ARHGAP4: variants seen among roughly 807,000 people sequenced by gnomAD.
ARHGAP4 encodes Rho GTPase activating protein 4.
In ARHGAP4, 25 loss-of-function variants were observed where a neutral mutation model predicts 67.6. The ratio of observed to expected loss-of-function variants is 0.37; its 90% CI spans 0.27 to 0.52. ARHGAP4 has a LOEUF of 0.52. ARHGAP4 is among the 20% of genes least tolerant of loss of function. ARHGAP4 has a pLI of 0.92. For synonymous variants in ARHGAP4, 448 were observed against 373.7 expected, an observed-to-expected ratio of 1.20 and a Z score of -2.29; for missense variants, 804 against 854.6, an observed-to-expected ratio of 0.94 and a Z score of 0.74.
chrX:153,921,565 T>C, intron 2 of ARHGAP4, 38 bp from the exon 3 acceptor site: 1 of 1,203,487 alleles, frequency 8.3e-7, no homozygotes, highest in Non-Finnish European at 1.1e-6. Flanking sequence ...GGAGCGGAGC[T>C]TGGGCCCTGC....
Position 153,921,385 on chromosome X carries a change from C to T in ARHGAP4, c.415G>A (p.Val139Met), listed in dbSNP as rs782707429. The change falls in exon 3 of 22, where the codon GTG becomes ATG. Residue 139 changes from valine to methionine, a missense_variant. Physicochemically the swap from Val to Met is conservative, Grantham distance 21. Coordinates refer to ENST00000350060, the MANE Select transcript of ARHGAP4 (RefSeq NM_001666.5). Reference protein sequence around the residue: ...AQRLSHIAEDVGRLVKKSRDL... With the variant: ...AQRLSHIAEDMGRLVKKSRDL... Reference sequence around the variant, plus strand: ...CTCACCTTCTTGACCAGGCGCCCCACGTCCTCTGCAATGTGACTCAGGCGC... The same window carrying T: ...CTCACCTTCTTGACCAGGCGCCCCATGTCCTCTGCAATGTGACTCAGGCGC... The T allele has an allele frequency of 3.3e-6, 4 of 1,209,772 alleles. No individual in the cohort carries two copies. The highest frequency in any genetic ancestry group is 3.5e-5 in the African/African-American group (2 of 57,506).
chrX:153,917,389 G>A (rs1295759558), intron 7 of ARHGAP4, among the ~76,000 whole-genome samples: 2 of 110,674 alleles, frequency 1.8e-5, no homozygotes, highest in African/African-American at 3.3e-5. Context: ...CAGCCTGGGC[G>A]ACAAGGGGGA....
chrX:153,919,698 C>A, intron 5 of ARHGAP4: 1 of 1,147,152 alleles, frequency 8.7e-7, no homozygotes, highest in Non-Finnish European at 1.2e-6. Context: ...TGAGGGGGAA[C>A]GAGTACCCCA....
chrX:153,915,104 G>T (rs1463924861), intron 7 of ARHGAP4, among the ~76,000 whole-genome samples: 1 of 111,756 alleles, frequency 8.9e-6, no homozygotes, highest in Admixed American at 9.5e-5. Flanking sequence ...TTGAGGACAT[G>T]GGACTCAGTG....
intron 20 of ARHGAP4, 55 bp from the exon 21 acceptor site, chrX:153,909,224 G>C: frequency 9.3e-7 from 1 of 1,075,991 alleles, no homozygotes; most frequent in South Asian, 2.1e-5. Context: ...TGAGCTAGCT[G>C]GGCAGTGGCT....
In ARHGAP4 at chrX:153,909,064, T is replaced by G; in HGVS notation, c.2607+6A>C. On this transcript the variant is annotated splice_donor_region_variant and intron_variant, in intron 21 of 21. Coordinates refer to ENST00000350060, the MANE Select transcript of ARHGAP4 (RefSeq NM_001666.5). ...TGTCCCTCACCTGCCACACACCCACTCTCACCTTATCCACCTCCACGTGTT... is the reference window on the plus strand; with the variant it reads ...TGTCCCTCACCTGCCACACACCCACGCTCACCTTATCCACCTCCACGTGTT... The G allele has an allele frequency of 8.3e-7, 1 of 1,209,217 alleles. No homozygotes were observed. The highest frequency in any genetic ancestry group is 1.1e-6 in the Non-Finnish European group (1 of 893,583).
rs781785621 is a variant in ARHGAP4, at chrX:153,920,629, C to T, written c.678G>A (p.Glu226=). The T allele has an allele frequency of 8.3e-7, 1 of 1,200,787 alleles. No homozygotes were observed. ...SSLKKGGRLV[E]KRQAKFMEHK... The stretch of plus-strand genomic sequence containing the variant: ...CTGAGGTGCCCTCCAGGCCCACCTT[C>T]TCCACCAGCCTCCCTCCCTTCTTGA... The change falls in exon 5 of 22, where the codon GAG becomes GAA. Residue 226 remains glutamate (E), a synonymous_variant. Coordinates refer to ENST00000350060, the MANE Select transcript of ARHGAP4 (RefSeq NM_001666.5).
At chrX:153,910,429 C>T (rs2065010169) in intron 16 of ARHGAP4, 25 bp from the exon 17 acceptor site, 3 of 1,187,112 alleles carry the variant, frequency 2.5e-6, no homozygotes, top group Non-Finnish European at 3.4e-6. Context: ...ACATCACAAG[C>T]AGAGAGCCCG....
intron 21 of ARHGAP4, among the ~76,000 whole-genome samples, chrX:153,908,733 A>C (rs1297629895): frequency 9.0e-6 from 1 of 111,527 alleles, no homozygotes; most frequent in Non-Finnish European, 1.9e-5. Flanking sequence ...TCTGCCCTGG[A>C]GTCCCTTGCC....
chrX:153,926,087 C>A, intron 1 of ARHGAP4, 49 bp downstream of exon 1: 1 of 1,187,198 alleles, frequency 8.4e-7, no homozygotes. Flanking sequence ...CCCTCACGAC[C>A]TTGGGTTCTC....
Position 153,909,139 on chromosome X carries a change from C to G in ARHGAP4, c.2538G>C (p.Met846Ile). ...AGCGTCGTCTGTGTCCAGAGGGTCC[C>G]ATGGCCTCAGGTGAGGTGCATGGCT... ...RPEPCTSPEA[M>I]GPSGHRRRCL... The change falls in exon 21 of 22, where the codon ATG (methionine) becomes ATC (isoleucine). Residue 846 changes from methionine to isoleucine, a missense_variant. Physicochemically the swap from Met to Ile is conservative, Grantham distance 10 (BLOSUM62 1). Coordinates refer to ENST00000350060, the MANE Select transcript of ARHGAP4 (RefSeq NM_001666.5). 8.3e-7 allele frequency: 1 copy of G among 1,210,907 alleles called. No homozygotes were observed.
chrX:153,919,790 T>TAA lies in ARHGAP4; in HGVS notation c.682-508_682-507insTT, dbSNP rs199880943. On this transcript the variant is annotated intron_variant, in intron 5 of 21. Coordinates refer to ENST00000350060, the MANE Select transcript of ARHGAP4 (RefSeq NM_001666.5). ...CTAAAACTGGCACTCTATTTTTTTT[T>TAA]TATTTTTTTTTTTTGAGACAGAGTC... 5,882 of 778,183 alleles carry TAA rather than the reference T, an allele frequency of 7.6e-3. 7 individuals are homozygous for TAA. The highest frequency in any genetic ancestry group is 0.056 in the East Asian group (924 of 16,467). 64.1% of individuals were successfully genotyped at this position (778,183 alleles called of 1,213,427 possible).
At chrX:153,919,802 T>C in intron 5 of ARHGAP4, 1 of 817,980 alleles carries the variant, frequency 1.2e-6, no homozygotes. Flanking sequence ...ATTTTTTTTT[T>C]TTGAGACAGA....
Position 153,921,078 on chromosome X carries a change from TC to T in ARHGAP4, c.498+18del. 1 of 1,196,417 alleles carries T rather than the reference TC, an allele frequency of 8.4e-7. No individual in the cohort carries two copies. Among genetic ancestry groups the T allele is most frequent in the African/African-American group, 1.7e-5 (1 of 57,499 alleles). On this transcript the variant is annotated intron_variant, in intron 4 of 21. Coordinates refer to ENST00000350060, the MANE Select transcript of ARHGAP4 (RefSeq NM_001666.5). ...TCCCTGGACCATTGGGGCAGGCCCC[TC>T]CCCAGCCCTTTCCTCACCGTCTGGA...
intron 19 of ARHGAP4, 23 bp downstream of exon 19, chrX:153,909,718 G>A (rs782126114): frequency 3.6e-5 from 42 of 1,167,034 alleles, no homozygotes; most frequent in Non-Finnish European, 4.2e-5. Flanking sequence ...GAGCCCTGGG[G>A]CCTGAGGGCG....
rs782379357 is a variant in ARHGAP4 at position 153,911,084 on chromosome X, G to T, written c.1603+45C>A. 12 of 1,164,682 alleles carry T rather than the reference G, an allele frequency of 1.0e-5. No homozygotes were observed. The South Asian group carries it at 2.1e-4, about 20-fold the overall frequency. On this transcript the variant is annotated intron_variant, in intron 13 of 21. Transcript: ENST00000350060. Reference sequence around the variant, plus strand: ...CCTCCCATGCCAGGTGCTGGGAACTGGGTGCTGGGTGCCAGGACATCGGGA... The same window carrying T: ...CCTCCCATGCCAGGTGCTGGGAACTTGGTGCTGGGTGCCAGGACATCGGGA...
At chrX:153,923,118 C>T (rs1422146521) in intron 1 of ARHGAP4, among the ~76,000 whole-genome samples, 2 of 110,837 alleles carry the variant, frequency 1.8e-5, no homozygotes, top group South Asian at 3.8e-4. Flanking sequence ...AGCTGGACTC[C>T]GAGTGAGAGA....
chrX:153,921,344 G>A, intron 3 of ARHGAP4, 21 bp downstream of exon 3: 2 of 1,210,515 alleles, frequency 1.7e-6, no homozygotes, highest in Non-Finnish European at 2.2e-6. Context: ...CACTTCCCGT[G>A]GCCCAGGATG....
At position 153,926,174 on chromosome X, in the gene ARHGAP4, T is replaced by G; in HGVS notation, c.29A>C (p.Glu10Ala). Residue 10 changes from glutamate to alanine, a missense_variant, in exon 1 of 22, where the codon GAG becomes GCG. Around this residue, in one of 2 missense-constraint regions of ARHGAP4, gnomAD observed 404 missense variants for 505.9 expected, o/e 0.80. Transcript: ENST00000350060. ...CTCATACTCAGCCTGCAGCCCCCGC[T>G]CCCGCCGCAGCTTCCCGTGAGCGGC... MAAHGKLRRERGLQAEYETQ... is the reference protein window; with the variant it reads MAAHGKLRRARGLQAEYETQ... The G allele has an allele frequency of 4.2e-6, 5 of 1,200,857 alleles. No individual in the cohort carries two copies. The highest frequency in any genetic ancestry group is 5.6e-6 in the Non-Finnish European group (5 of 890,412).
Sources: allele counts gnomAD v4.1 joint callset (sites outside exome capture counted in the v4.1 genomes callset), GRCh38; gene constraint gnomAD v4.1.1; regional missense constraint gnomAD v4.1.1; transcripts MANE v1.5; gene names NCBI Gene and HGNC (gene_info 2026-07-23, HGNC 2026-07-21).